The following NLGN1 variants were observed in gnomAD, a reference collection of about 807,000 sequenced individuals.
NLGN1 encodes the protein neuroligin 1.
Under a neutral mutation model 65.5 loss-of-function variants are expected in NLGN1, and 12 were observed. The observed-to-expected ratio is 0.18, with a 90% CI of 0.12 to 0.30. The LOEUF (loss-of-function observed/expected upper bound fraction) is 0.30, where lower values mean the gene tolerates loss of function less well. Ranked by LOEUF, NLGN1 falls within the 10% of genes least tolerant of loss-of-function variation. The pLI, the probability that NLGN1 is intolerant of heterozygous loss-of-function variation, is 1.00. For missense variants in NLGN1, 750 were observed against 1,007.1 expected (o/e 0.74, Z 3.46); for synonymous variants, 350 against 359.5 (o/e 0.97, Z 0.30).
chr3:174,053,455 T>A (rs1440840919), intron 4 of NLGN1, among the ~76,000 whole-genome samples: 1 of 152,150 alleles, frequency 6.6e-6, no homozygotes, highest in African/African-American at 2.4e-5. Context: ...TTTGACATCA[T>A]ATTTAATTGA....
chr3:174,034,684 A>G (rs1031852411), intron 4 of NLGN1, among the ~76,000 whole-genome samples: 4 of 152,150 alleles, frequency 2.6e-5, no homozygotes, highest in African/African-American at 7.2e-5. Context: ...AAAGAAATAT[A>G]GTTGATAAAC....
rs565767196 is a variant in NLGN1 at position 173,494,531 on chromosome 3, T to G, written c.-321+59453T>G. 1.9e-3 allele frequency among the ~76,000 whole-genome samples: 288 copies of G among 151,832 alleles called. 4 individuals carry two copies. The highest frequency in any genetic ancestry group is 6.9e-3 in the African/African-American group (283 of 41,200). ...AATGGTGTTTTTCAAAGATTAGAATTTTTTGATTTGATGAAGTCTAATATA... is the reference window on the plus strand; with the variant it reads ...AATGGTGTTTTTCAAAGATTAGAATGTTTTGATTTGATGAAGTCTAATATA... On this transcript the variant is annotated intron_variant, in intron 2 of 6. Coordinates refer to ENST00000457714, the Ensembl canonical transcript of NLGN1.
chr3:173,828,227 G>A, intron 4 of NLGN1, among the ~76,000 whole-genome samples: 1 of 152,052 alleles, frequency 6.6e-6, no homozygotes, highest in Non-Finnish European at 1.5e-5. Context: ...ACATCATGTG[G>A]ACACTTGATT....
intron 4 of NLGN1, among the ~76,000 whole-genome samples, chr3:173,912,296 T>C (rs1739781565): frequency 6.6e-6 from 1 of 152,184 alleles, no homozygotes; most frequent in Non-Finnish European, 1.5e-5. Flanking sequence ...GGATTTTATC[T>C]TGGGGAAACC....
intron 4 of NLGN1, among the ~76,000 whole-genome samples, chr3:173,856,979 A>G (rs1728106021): frequency 6.6e-6 from 1 of 151,518 alleles, no homozygotes; most frequent in South Asian, 2.1e-4. Flanking sequence ...GAAATTGAAG[A>G]AGCTGGAAAG....
intron 2 of NLGN1, among the ~76,000 whole-genome samples, chr3:173,554,999 A>C (rs1041979835): frequency 6.6e-6 from 1 of 152,208 alleles, no homozygotes; most frequent in Non-Finnish European, 1.5e-5. Context: ...GCATTACTCC[A>C]ATGACTAAAG....
At chr3:173,644,591 C>A in intron 3 of NLGN1, 2 of 161,926 alleles carry the variant, frequency 1.2e-5, no homozygotes, top group South Asian at 1.8e-4. Context: ...TATGCTGTGC[C>A]CTGGTTCTGC....
chr3:173,932,002 GT>G (rs1744186176), intron 4 of NLGN1, among the ~76,000 whole-genome samples: 4 of 152,020 alleles, frequency 2.6e-5, no homozygotes, highest in African/African-American at 4.8e-5. Flanking sequence ...GTTTTGTTTT[GT>G]TTTAATTTTT....
chr3:173,548,272 C>G (rs1243694508), intron 2 of NLGN1, among the ~76,000 whole-genome samples: 5 of 152,028 alleles, frequency 3.3e-5, no homozygotes, highest in South Asian at 2.1e-4. Context: ...AATTTCTGGT[C>G]AATATATCAA....
At chr3:174,003,832 AT>A (rs1560820660) in intron 4 of NLGN1, among the ~76,000 whole-genome samples, 1 of 152,124 alleles carries the variant, frequency 6.6e-6, no homozygotes, top group African/African-American at 2.4e-5. Context: ...AATAATAATA[AT>A]TTTCAATGCA....
chr3:173,800,085 A>G (rs550219695), intron 3 of NLGN1, among the ~76,000 whole-genome samples: 2 of 151,368 alleles, frequency 1.3e-5, no homozygotes, highest in South Asian at 2.1e-4. Flanking sequence ...ATATATTTAC[A>G]ACCCAAATCT....
intron 5 of NLGN1, 50 bp from the exon 6 acceptor site, chr3:174,278,808 TACC>T (rs1751058752): frequency 1.5e-6 from 2 of 1,344,596 alleles, no homozygotes; most frequent in East Asian, 2.4e-5. Context: ...GTTATTGTTT[TACC>T]ACAACATTAC....
intron 4 of NLGN1, among the ~76,000 whole-genome samples, chr3:173,899,826 T>C (rs1737002993): frequency 6.6e-6 from 1 of 152,146 alleles, no homozygotes; most frequent in South Asian, 2.1e-4. Flanking sequence ...ATGACACTTA[T>C]TTTTAATTTG....
At chr3:173,801,195 A>G (rs1342238788) in intron 3 of NLGN1, among the ~76,000 whole-genome samples, 4 of 152,014 alleles carry the variant, frequency 2.6e-5, no homozygotes, top group African/African-American at 4.8e-5. Context: ...TTGACATACA[A>G]TTCTGATTTA....
chr3:174,285,620 C>G (rs1752024116), exon 7 of NLGN1: 1 of 151,344 alleles, frequency 6.6e-6, no homozygotes, highest in Non-Finnish European at 1.5e-5. Flanking sequence ...CATTTGGTGG[C>G]CAACTTGATT....
intron 4 of NLGN1, among the ~76,000 whole-genome samples, chr3:174,132,646 G>A (rs760369246): frequency 1.4e-4 from 21 of 152,152 alleles, no homozygotes; most frequent in Non-Finnish European, 2.8e-4. Context: ...GGGCTTAAGA[G>A]TGTTCAAGGT....
intron 4 of NLGN1, among the ~76,000 whole-genome samples, chr3:174,141,317 G>T (rs536208625): frequency 6.6e-6 from 1 of 152,204 alleles, no homozygotes; most frequent in Admixed American, 6.5e-5. Context: ...ATGAGAGGAG[G>T]TTGCTGAAGT....
intron 4 of NLGN1, among the ~76,000 whole-genome samples, chr3:174,010,997 T>C (rs1050737762): frequency 1.3e-5 from 2 of 152,276 alleles, no homozygotes; most frequent in East Asian, 1.9e-4. Context: ...GGCTAGACTT[T>C]CATTATAGAA....
At chr3:173,420,413 T>C (rs909506021) in intron 1 of NLGN1, among the ~76,000 whole-genome samples, 1 of 152,174 alleles carries the variant, frequency 6.6e-6, no homozygotes, top group Admixed American at 6.5e-5. Flanking sequence ...GAACTCATCA[T>C]TTTTTATGGC....
Sources: gnomAD v4.1 joint callset for allele counts (sites outside exome capture counted in the v4.1 genomes callset) on GRCh38, gnomAD v4.1.1 for gene constraint, MANE v1.5 for transcripts, NCBI Gene and HGNC (gene_info 2026-07-23, HGNC 2026-07-21) for gene names.